Variants in GLCCI1 observed in about 807,000 individuals in gnomAD.
GLCCI1 encodes glucocorticoid induced 1.
GLCCI1 carries 24 observed loss-of-function variants against 52.2 expected under a neutral mutation model. The ratio of observed to expected loss-of-function variants is 0.46; its 90% CI spans 0.33 to 0.65. The LOEUF is 0.65. Among genes scored for constraint, GLCCI1 ranks in the 30% least tolerant of loss-of-function variants. The pLI, the probability that GLCCI1 is intolerant of heterozygous loss-of-function variation, is 0.02. For missense variants in GLCCI1, 704 were observed against 701.5 expected, an observed-to-expected ratio of 1.00 and a Z score of -0.04; for synonymous variants, 310 against 276.5, an observed-to-expected ratio of 1.12 and a Z score of -1.20.
intron 1 of GLCCI1, among the ~76,000 whole-genome samples, chr7:7,972,022 C>T (rs1055263679): frequency 2.0e-5 from 3 of 152,168 alleles, no homozygotes; most frequent in Non-Finnish European, 4.4e-5. Flanking sequence ...CTCCATGTCC[C>T]GCCTTTTACC....
Position 8,022,588 on chromosome 7 carries a change from C to A in GLCCI1, c.696+19C>A. 6.7e-7 allele frequency: 1 copy of A among 1,497,948 alleles called. No homozygotes were observed. The highest frequency in any genetic ancestry group is 9.0e-7 in the Non-Finnish European group (1 of 1,105,984). 92.8% of individuals were successfully genotyped at this position (1,497,948 alleles called of 1,614,324 possible). ...AAAAGAGGTAAGTTATTTCTGTTTT[C>A]CGTCTGTAACCTGTTTTGGTCCTAG... is the stretch of plus-strand genomic sequence containing the variant. On this transcript the variant is annotated intron_variant, in intron 3 of 7. Coordinates refer to ENST00000223145, the MANE Select transcript of GLCCI1 (RefSeq NM_138426.4).
At chr7:8,005,165 A>C (rs1781122866) in intron 2 of GLCCI1, among the ~76,000 whole-genome samples, 1 of 152,176 alleles carries the variant, frequency 6.6e-6, no homozygotes, top group African/African-American at 2.4e-5. Flanking sequence ...ACAGTTAGAG[A>C]TCTGGACACA....
At chr7:7,970,040 G>T (rs912006822) in intron 1 of GLCCI1, 83 of 340,304 alleles carry the variant, frequency 2.4e-4, no homozygotes, top group African/African-American at 1.8e-3. Flanking sequence ...TCACTCGCCT[G>T]CTTCGAGAGG....
chr7:8,002,481 G>A (rs1339892014), intron 1 of GLCCI1, among the ~76,000 whole-genome samples: 2 of 152,200 alleles, frequency 1.3e-5, no homozygotes, highest in East Asian at 3.9e-4. Flanking sequence ...CAGATAAAGA[G>A]GAAATCTGGT....
At chr7:8,022,045 A>G (rs542498413) in intron 2 of GLCCI1, among the ~76,000 whole-genome samples, 3 of 152,338 alleles carry the variant, frequency 2.0e-5, no homozygotes, top group African/African-American at 4.8e-5. Flanking sequence ...AAGTAGTACA[A>G]TCAGCCCTCT....
At chr7:8,004,790 A>G (rs1288153854) in intron 2 of GLCCI1, among the ~76,000 whole-genome samples, 2 of 152,258 alleles carry the variant, frequency 1.3e-5, no homozygotes, top group East Asian at 3.8e-4. Flanking sequence ...ATTCGACGTT[A>G]GATGAATGGA....
intron 5 of GLCCI1, among the ~76,000 whole-genome samples, chr7:8,060,662 G>C (rs1782494326): frequency 6.6e-6 from 1 of 152,056 alleles, no homozygotes; most frequent in Non-Finnish European, 1.5e-5. Flanking sequence ...TGTTATCAGT[G>C]ACTTCCTTTT....
intron 1 of GLCCI1, among the ~76,000 whole-genome samples, chr7:7,998,857 A>G (rs1229187059): frequency 6.6e-6 from 1 of 152,182 alleles, no homozygotes; most frequent in African/African-American, 2.4e-5. Context: ...CAAGCTTTTA[A>G]TGTCTCTAAA....
rs181170262 is a variant in GLCCI1 at position 7,983,281 on chromosome 7, A to G, written c.457+13474A>G. On this transcript the variant is annotated intron_variant, in intron 1 of 7. Transcript: ENST00000223145. ...TAGGGAGGTATAGGAAAAGTAATGA[A>G]ATGAATTATAATTAATATTTGTTTT... Among the ~76,000 whole-genome samples the G allele has an allele frequency of 3.6e-3, 549 of 152,288 alleles. 4 individuals carry two copies. The highest frequency in any genetic ancestry group is 0.011 in the African/African-American group (444 of 41,572).
rs1783101344 is a variant in GLCCI1, at chr7:8,086,158, A to G, written c.1299-35A>G. ...AAAATGCTTAACTTTTTCTGTGTTC[A>G]TGATTATAAATCTAATTTTGTTTTA... On this transcript the variant is annotated intron_variant, in intron 7 of 7. Coordinates refer to ENST00000223145, the MANE Select transcript of GLCCI1 (RefSeq NM_138426.4). The surrounding 1 kb of genome is among the most constrained non-coding windows in gnomAD (Gnocchi z 4.4). 6.5e-7 allele frequency: 1 copy of G among 1,527,450 alleles called. No individual in the cohort carries two copies. Among genetic ancestry groups the G allele is most frequent in the Non-Finnish European group, 8.9e-7 (1 of 1,129,590 alleles). 94.6% of individuals were successfully genotyped at this position (1,527,450 alleles called of 1,614,324 possible). A position where few individuals can be genotyped will look rare whatever the true frequency, so the allele number is the denominator to read the frequency against.
chr7:8,062,964 T>G (rs1287916111), intron 5 of GLCCI1, among the ~76,000 whole-genome samples: 4 of 152,212 alleles, frequency 2.6e-5, no homozygotes, highest in Admixed American at 2.6e-4. Context: ...GAGCAATTTA[T>G]ATTTCTTTGG....
intron 3 of GLCCI1, among the ~76,000 whole-genome samples, chr7:8,039,532 C>T (rs370842233): frequency 1.6e-3 from 247 of 152,244 alleles, no homozygotes; most frequent in Middle Eastern, 3.4e-3. Flanking sequence ...TGAAATAACT[C>T]AGAAGCAGTC....
intron 4 of GLCCI1, among the ~76,000 whole-genome samples, chr7:8,056,613 T>C (rs1429436821): frequency 6.6e-6 from 1 of 151,920 alleles, no homozygotes; most frequent in Non-Finnish European, 1.5e-5. Context: ...CCAATTAGGG[T>C]TTGTTTCACA....
chr7:8,039,213 A>G (rs1781942318), intron 3 of GLCCI1, among the ~76,000 whole-genome samples: 4 of 152,238 alleles, frequency 2.6e-5, no homozygotes, highest in Admixed American at 2.0e-4. Flanking sequence ...AACTAAAAAT[A>G]GAACTGCCAT....
intron 1 of GLCCI1, among the ~76,000 whole-genome samples, chr7:7,990,991 A>G (rs1287697453): frequency 6.6e-6 from 1 of 152,094 alleles, no homozygotes; most frequent in African/African-American, 2.4e-5. Flanking sequence ...AATTTACTAC[A>G]TTATTTTGCA....
At position 8,042,099 on chromosome 7, in the gene GLCCI1, A is replaced by C. The variant is rs189257278; in HGVS notation, c.697-13334A>C. Among the ~76,000 whole-genome samples the C allele has an allele frequency of 1.1e-3, 170 of 152,346 alleles. 1 individual carries two copies. Among genetic ancestry groups the C allele is most frequent in the African/African-American group, 3.8e-3 (157 of 41,574 alleles). ...TCAAAAAAGGAAAAGATTCTTTTCA[A>C]AATATTACTGCTTATTGACAATTTG... On this transcript the variant is annotated intron_variant, in intron 3 of 7. Transcript: ENST00000223145.
chr7:7,992,339 G>A (rs868426686), intron 1 of GLCCI1, among the ~76,000 whole-genome samples: 1 of 151,928 alleles, frequency 6.6e-6, no homozygotes, highest in African/African-American at 2.4e-5. Context: ...CTTCAAAGGT[G>A]CTGGCTCAAT....
rs58360790 is a variant in GLCCI1, at chr7:8,088,240, TTGTGTG to T, written c.*1728_*1733del. 55,005 of 147,302 alleles carry T rather than the reference TTGTGTG, an allele frequency of 0.37. 10,181 individuals carry two copies. Among genetic ancestry groups the T allele is most frequent in the Middle Eastern group, 0.48 (138 of 288 alleles). The allele number at this position is 147,302 out of a possible 1,614,324, so 9.1% of individuals were successfully genotyped here. On this transcript the variant is annotated 3_prime_UTR_variant, in exon 8 of 8. Transcript: ENST00000223145. ...AGAAATGATATATATATGTATATGT[TTGTGTG>T]TGTGTGTGTGTGTGTGTGTGTGTGT...
intron 1 of GLCCI1, among the ~76,000 whole-genome samples, chr7:8,002,717 G>C (rs200700073): frequency 2.0e-5 from 3 of 152,210 alleles, no homozygotes; most frequent in East Asian, 3.8e-4. Flanking sequence ...ACTCTGAAAA[G>C]AGTTAGCCTT....
Sources: gnomAD v4.1 joint callset for allele counts (sites outside exome capture counted in the v4.1 genomes callset) on GRCh38, gnomAD v4.1.1 for gene constraint, Gnocchi (gnomAD v3.1) non-coding constraint, MANE v1.5 for transcripts, NCBI Gene and HGNC (gene_info 2026-07-23, HGNC 2026-07-21) for gene names.